The following ZNF485 variants were observed in gnomAD, a reference collection of about 807,000 sequenced individuals.
ZNF485 encodes zinc finger protein 485, also known as Zinc finger protein 93 (Zinc finger protein HTF34).
Under a neutral mutation model 10.8 loss-of-function variants are expected in ZNF485, and 9 were observed. The observed-to-expected ratio is 0.83, with a 90% CI of 0.50 to 1.45. The LOEUF (loss-of-function observed/expected upper bound fraction) is 1.45, where lower values mean the gene tolerates loss of function less well. Ranked by LOEUF, ZNF485 falls within the 40% of genes most tolerant of loss-of-function variation. The pLI is 0.00. For synonymous variants in ZNF485, 187 were observed against 181.0 expected (o/e 1.03, Z -0.27); for missense variants, 487 against 528.0 (o/e 0.92, Z 0.76).
chr10:43,608,104 G>A (rs1443947188), intron 2 of ZNF485, among the ~76,000 whole-genome samples: 2 of 151,932 alleles, frequency 1.3e-5, no homozygotes, highest in South Asian at 2.1e-4. Context: ...GTAAATTCTC[G>A]GATAAAGCTA....
At position 43,607,195 on chromosome 10, in the gene ZNF485, T is replaced by C. The variant is rs58749414; in HGVS notation, c.24+121T>C. 1.2e-3 allele frequency: 1,384 copies of C among 1,185,272 alleles called. 15 individuals carry two copies. In the African/African-American group the frequency reaches 0.019, roughly 16 times the overall value. The allele number at this position is 1,185,272 out of a possible 1,614,324, so 73.4% of individuals were successfully genotyped here. A position where few individuals can be genotyped will look rare whatever the true frequency, so the allele number is the denominator to read the frequency against. On this transcript the variant is annotated intron_variant, in intron 2 of 4. Transcript: ENST00000361807. ...CAAAGCTACCCGAACCAATCCTGGA[T>C]GGGTCCCGCGATTTCCGTCCTGTCT... is the stretch of plus-strand genomic sequence containing the variant.
intron 4 of ZNF485, among the ~76,000 whole-genome samples, chr10:43,609,852 A>C (rs1179302207): frequency 6.6e-6 from 1 of 151,728 alleles, no homozygotes; most frequent in Non-Finnish European, 1.5e-5. Context: ...CTAATTTTTA[A>C]ATTTTTATTT....
chr10:43,610,744 T>C (rs546215971), intron 4 of ZNF485, among the ~76,000 whole-genome samples: 3 of 152,196 alleles, frequency 2.0e-5, no homozygotes, highest in Non-Finnish European at 2.9e-5. Context: ...TGTGTGTGTA[T>C]ATTTCCCTTT....
In ZNF485 at chr10:43,607,904, C is replaced by A. The variant is rs556893949; in HGVS notation, c.25-710C>A. Among the ~76,000 whole-genome samples the A allele has an allele frequency of 8.7e-4, 133 of 152,286 alleles. 2 individuals carry two copies. The South Asian group carries it at 0.027, about 31-fold the overall frequency. On this transcript the variant is annotated intron_variant, in intron 2 of 4. Coordinates refer to ENST00000361807, the MANE Select transcript of ZNF485 (RefSeq NM_145312.4). ...GGACCTTGAGCAAGTTCTTCCAACTCTCTGAACCTTTGTGTCTTTAGCTAC... is the reference window on the plus strand; with the variant it reads ...GGACCTTGAGCAAGTTCTTCCAACTATCTGAACCTTTGTGTCTTTAGCTAC...
chr10:43,606,776 G>T (rs1838655257), intron 1 of ZNF485, among the ~76,000 whole-genome samples: 3 of 152,234 alleles, frequency 2.0e-5, no homozygotes, highest in African/African-American at 7.2e-5. Flanking sequence ...CCACTGACAA[G>T]GCCGTCCCCC....
At chr10:43,606,907 A>G (rs1349537096) in intron 1 of ZNF485, 90 bp from the exon 2 acceptor site, 7 of 956,576 alleles carry the variant, frequency 7.3e-6, no homozygotes, top group Non-Finnish European at 1.1e-5. Context: ...CTGTGGAGGG[A>G]ACGGGCGGGC....
At chr10:43,614,140 G>A (rs1838812884) in intron 4 of ZNF485, among the ~76,000 whole-genome samples, 1 of 152,174 alleles carries the variant, frequency 6.6e-6, no homozygotes, top group South Asian at 2.1e-4. Flanking sequence ...ACTCGAACCT[G>A]GGAGGTGGAG....
intron 2 of ZNF485, 83 bp downstream of exon 2, chr10:43,607,157 C>G (rs1039044281): frequency 6.7e-7 from 1 of 1,502,810 alleles, no homozygotes. Context: ...CAATGCCCTG[C>G]CCTGTGTGTG....
At position 43,617,282 on chromosome 10, in the gene ZNF485, T is replaced by C; in HGVS notation, c.1239T>C (p.Asn413=). 1 of 1,610,354 alleles carries C rather than the reference T, an allele frequency of 6.2e-7. No homozygotes were observed. ...CTGGGGAAAAACCTTATAAATGTAA[T>C]GAATGTGGGAAAGCTTTTCCCCGAA... ...LHTGEKPYKC[N]ECGKAFPRSS... is the part of the protein sequence containing the mutation. The change falls in exon 5 of 5, where the codon AAT becomes AAC. Residue 413 remains asparagine, a synonymous_variant. Coordinates refer to ENST00000361807, the MANE Select transcript of ZNF485 (RefSeq NM_145312.4).
intron 4 of ZNF485, among the ~76,000 whole-genome samples, chr10:43,614,493 G>A (rs1219740315): frequency 6.6e-6 from 1 of 151,896 alleles, no homozygotes; most frequent in East Asian, 1.9e-4. Context: ...GACTTGCTAT[G>A]TTGCCCAGGT....
At chr10:43,608,584 G>A (rs754060718) in intron 2 of ZNF485, 30 bp from the exon 3 acceptor site, 11 of 1,592,034 alleles carry the variant, frequency 6.9e-6, no homozygotes, top group East Asian at 4.5e-5. Flanking sequence ...AGGGGTTCCC[G>A]GATGAGCAGA....
rs1367757345 is a variant in ZNF485, at chr10:43,617,468, G to C, written c.*99G>C. On this transcript the variant is annotated 3_prime_UTR_variant, in exon 5 of 5. Transcript: ENST00000361807. The stretch of plus-strand genomic sequence containing the variant: ...ACAGAAATACTCTGTACTTCTGAGA[G>C]AACACATCACTTGTGAGGATATTCA... 1 of 862,904 alleles carries C rather than the reference G, an allele frequency of 1.2e-6. No homozygotes were observed. Among genetic ancestry groups the C allele is most frequent in the Non-Finnish European group, 1.8e-6 (1 of 562,458 alleles). 53.5% of individuals were successfully genotyped at this position (862,904 alleles called of 1,614,324 possible).
chr10:43,614,213 CAA>C (rs79081832), intron 4 of ZNF485, among the ~76,000 whole-genome samples: 18 of 123,880 alleles, frequency 1.5e-4, no homozygotes, highest in East Asian at 2.4e-4. Context: ...GACTCCGTAT[CAA>C]AAAAAAAAAA....
At chr10:43,615,854 C>T (rs986687702) in intron 4 of ZNF485, among the ~76,000 whole-genome samples, 6 of 152,196 alleles carry the variant, frequency 3.9e-5, no homozygotes, top group African/African-American at 1.4e-4. Flanking sequence ...TCACAGAGAA[C>T]TATTTTTCTC....
chr10:43,617,081 A>G lies in ZNF485; in HGVS notation c.1038A>G (p.Lys346=), dbSNP rs1588843515. The G allele has an allele frequency of 1.2e-6, 2 of 1,614,222 alleles. No individual in the cohort carries two copies. The highest frequency in any genetic ancestry group is 1.3e-5 in the African/African-American group (1 of 75,062). ...GCTCATCCTTTGCTGGTCATCAGAA[A>G]ACTCACAGTGGAAATAAACCGTATC... ...RYSSSFAGHQ[K]THSGNKPYQC... is the part of the protein sequence containing the mutation. Residue 346 remains lysine, a synonymous_variant, in exon 5 of 5, where the codon AAA becomes AAG. Transcript: ENST00000361807.
intron 2 of ZNF485, chr10:43,607,506 A>T (rs1838676489): frequency 5.8e-6 from 1 of 172,374 alleles, no homozygotes; most frequent in African/African-American, 2.4e-5. Context: ...GAATGAAGTC[A>T]TTATGGCGGG....
chr10:43,612,947 G>A (rs2132350870), intron 4 of ZNF485, among the ~76,000 whole-genome samples: 1 of 152,054 alleles, frequency 6.6e-6, no homozygotes, highest in South Asian at 2.1e-4. Flanking sequence ...AATATTTAAA[G>A]CCTTAAACTT....
At position 43,616,692 on chromosome 10, in the gene ZNF485, A is replaced by T. The variant is rs755310457; in HGVS notation, c.649A>T (p.Ile217Phe). 1.9e-6 allele frequency: 3 copies of T among 1,614,080 alleles called. No individual in the cohort carries two copies. In the African/African-American group the frequency reaches 4.0e-5, roughly 22 times the overall value. ...IHSREKPHKC[I>F]ECGKTFRKNS... ...TTCTAGGGAGAAACCCCACAAATGC[A>T]TTGAATGTGGAAAAACTTTCAGAAA... Residue 217 changes from isoleucine to phenylalanine, a missense_variant, in exon 5 of 5, where the codon ATT becomes TTT. By Grantham distance (21) the Ile-to-Phe change is conservative. Coordinates refer to ENST00000361807, the MANE Select transcript of ZNF485 (RefSeq NM_145312.4).
At chr10:43,608,112 C>A (rs1392481410) in intron 2 of ZNF485, among the ~76,000 whole-genome samples, 1 of 152,160 alleles carries the variant, frequency 6.6e-6, no homozygotes, top group Non-Finnish European at 1.5e-5. Flanking sequence ...TCGGATAAAG[C>A]TAATCACTTT....
Sources: allele counts gnomAD v4.1 joint callset (sites outside exome capture counted in the v4.1 genomes callset), GRCh38; gene constraint gnomAD v4.1.1; transcripts MANE v1.5; gene names NCBI Gene and HGNC (gene_info 2026-07-23, HGNC 2026-07-21).